The following ZNF471 variants were observed in gnomAD, a reference collection of about 807,000 sequenced individuals.
The protein encoded by ZNF471 is EZFIT-related protein 1.
ZNF471 carries 7 observed loss-of-function variants against 13.7 expected under a neutral mutation model. The observed-to-expected ratio is 0.51, with a 90% confidence interval of 0.29 to 0.96. The LOEUF (loss-of-function observed/expected upper bound fraction) is 0.96. Ranked by LOEUF, ZNF471 falls within the 40% of genes least tolerant of loss-of-function variation. The pLI is 0.08. For synonymous variants in ZNF471, 218 were observed against 235.6 expected, an observed-to-expected ratio of 0.93 and a Z score of 0.68; for missense variants, 663 against 743.3, an observed-to-expected ratio of 0.89 and a Z score of 1.26.
rs779507175 is a variant in ZNF471 at position 56,525,178 on chromosome 19, G to T, written c.1111G>T (p.Gly371Ter). The change falls in exon 5 of 5, where the codon GGA (glycine) becomes TGA (stop). Residue 371 changes from glycine (G) to a stop codon, truncating the protein, a stop_gained. Coordinates refer to ENST00000308031, the MANE Select transcript of ZNF471 (RefSeq NM_020813.4). LOFTEE classifies it low-confidence loss of function (END_TRUNC). ...TCGTCACTGGAGGAGTTATCATACT[G>T]GAGAGAAGCCTTTTAATTGCATTGA... ...FIRHWRSYHT[G>*]EKPFNCIDCG... 2 of 1,614,146 alleles carry T rather than the reference G, an allele frequency of 1.2e-6. No homozygotes were observed. Among genetic ancestry groups the T allele is most frequent in the Admixed American group, 3.3e-5 (2 of 60,026 alleles).
At position 56,525,327 on chromosome 19, in the gene ZNF471, A is replaced by G. The variant is rs1568476779; in HGVS notation, c.1260A>G (p.Val420=). The G allele has an allele frequency of 6.2e-7, 1 of 1,612,778 alleles. No individual in the cohort carries two copies. The highest frequency in any genetic ancestry group is 8.5e-7 in the Non-Finnish European group (1 of 1,179,158). ...KTFSSGSSRT[V]HQRIHTGEKP... is the part of the protein sequence containing the mutation. Reference sequence around the variant, plus strand: ...TCAGCTCGGGTTCATCCCGTACTGTACATCAGAGAATTCATACAGGAGAGA... The same window carrying G: ...TCAGCTCGGGTTCATCCCGTACTGTGCATCAGAGAATTCATACAGGAGAGA... Residue 420 remains valine (V), a synonymous_variant, in exon 5 of 5, where the codon GTA becomes GTG. Coordinates refer to ENST00000308031, the MANE Select transcript of ZNF471 (RefSeq NM_020813.4).
chr19:56,529,370 G>GGAAATACC lies in ZNF471; in HGVS notation c.*3423_*3424insAAATACCG, dbSNP rs3841262. Reference sequence around the variant, plus strand: ...TTCTATACTCATTACAGATGTAAGAGGTTAAGATGGTAGAGGAGAATGTAG... The same window carrying GGAAATACC: ...TTCTATACTCATTACAGATGTAAGAGGAAATACCGTTAAGATGGTAGAGGAGAATGTAG... On this transcript the variant is annotated 3_prime_UTR_variant, in exon 5 of 5. Coordinates refer to ENST00000308031, the MANE Select transcript of ZNF471 (RefSeq NM_020813.4). 2 of 151,656 alleles carry GGAAATACC rather than the reference G, an allele frequency of 1.3e-5. No individual in the cohort carries two copies. The highest frequency in any genetic ancestry group is 2.9e-5 in the Non-Finnish European group (2 of 67,826). 9.4% of individuals were successfully genotyped at this position (151,656 alleles called of 1,614,324 possible).
chr19:56,527,375 G>A lies in ZNF471; in HGVS notation c.*1427G>A, dbSNP rs755105400. On this transcript the variant is annotated 3_prime_UTR_variant, in exon 5 of 5. Coordinates refer to ENST00000308031, the MANE Select transcript of ZNF471 (RefSeq NM_020813.4). ...AATTCACGAAGATGAGGAGAAACCAGTGCAAAAAGCCTGAAAATTCCAAAA... is the reference window on the plus strand; with the variant it reads ...AATTCACGAAGATGAGGAGAAACCAATGCAAAAAGCCTGAAAATTCCAAAA... 3.3e-5 allele frequency: 5 copies of A among 152,192 alleles called. No homozygotes were observed. The highest frequency in any genetic ancestry group is 6.5e-5 in the Admixed American group (1 of 15,282). The allele number at this position is 152,192 out of a possible 1,614,324, so 9.4% of individuals were successfully genotyped here.
At chr19:56,520,538 T>C (rs2043955553) in intron 4 of ZNF471, among the ~76,000 whole-genome samples, 2 of 152,346 alleles carry the variant, frequency 1.3e-5, no homozygotes, top group South Asian at 2.1e-4. Context: ...GGTGCCCTGG[T>C]CTGAATGTTT....
intron 4 of ZNF471, among the ~76,000 whole-genome samples, chr19:56,523,835 T>C (rs1054915011): frequency 3.3e-5 from 5 of 152,204 alleles, no homozygotes; most frequent in Non-Finnish European, 7.3e-5. Flanking sequence ...GTTTTTGTTT[T>C]TGTTTTGAGA....
intron 3 of ZNF471, among the ~76,000 whole-genome samples, chr19:56,517,256 C>T (rs1417097708): frequency 6.7e-6 from 1 of 150,010 alleles, no homozygotes; most frequent in Non-Finnish European, 1.5e-5. Context: ...CCTTAGCCTC[C>T]CAAGTAGCTG....
intron 4 of ZNF471, among the ~76,000 whole-genome samples, chr19:56,521,638 CAAAAAA>C (rs372849279): frequency 2.4e-5 from 2 of 82,102 alleles, no homozygotes; most frequent in Admixed American, 1.4e-4. Context: ...GACTCTGTCT[CAAAAAA>C]AAAAAAAAAA....
chr19:56,528,980 A>C lies in ZNF471; in HGVS notation c.*3032A>C, dbSNP rs1174784837. On this transcript the variant is annotated 3_prime_UTR_variant, in exon 5 of 5. Transcript: ENST00000308031. Reference sequence around the variant, plus strand: ...TTCATGAGGCTAAGTCAACTCTGATATCAAACCAAGGGGAAAGAAATGAAA... The same window carrying C: ...TTCATGAGGCTAAGTCAACTCTGATCTCAAACCAAGGGGAAAGAAATGAAA... The C allele has an allele frequency of 2.0e-5, 3 of 152,194 alleles. No homozygotes were observed. Among genetic ancestry groups the C allele is most frequent in the African/African-American group, 7.2e-5 (3 of 41,462 alleles). 9.4% of individuals were successfully genotyped at this position (152,194 alleles called of 1,614,324 possible).
At chr19:56,520,425 T>G (rs1368720993) in intron 4 of ZNF471, among the ~76,000 whole-genome samples, 2 of 152,178 alleles carry the variant, frequency 1.3e-5, no homozygotes, top group African/African-American at 4.8e-5. Context: ...GGACTCAGCA[T>G]TCTGTGTCTT....
In ZNF471 at chr19:56,512,546, T is replaced by A. The variant is rs867630239; in HGVS notation, c.33+942T>A. ...GAGGCAGAGATTTATTTTTTCAAGTTGGCACAATGGCATTAATTGAATTAT... is the reference window on the plus strand; with the variant it reads ...GAGGCAGAGATTTATTTTTTCAAGTAGGCACAATGGCATTAATTGAATTAT... On this transcript the variant is annotated intron_variant, in intron 2 of 4. Coordinates refer to ENST00000308031, the MANE Select transcript of ZNF471 (RefSeq NM_020813.4). 2.0e-5 allele frequency among the ~76,000 whole-genome samples: 3 copies of A among 152,256 alleles called. No individual in the cohort carries two copies. The South Asian group carries it at 6.2e-4, about 32-fold the overall frequency.
At chr19:56,513,444 G>A in intron 2 of ZNF471, among the ~76,000 whole-genome samples, 1 of 152,116 alleles carries the variant, frequency 6.6e-6, no homozygotes, top group East Asian at 1.9e-4. Flanking sequence ...CTTTTTCTAA[G>A]ATCACAATTA....
chr19:56,516,342 C>G lies in ZNF471; in HGVS notation c.101C>G (p.Ala34Gly). 1 of 1,613,900 alleles carries G rather than the reference C, an allele frequency of 6.2e-7. No homozygotes were observed. Among genetic ancestry groups the G allele is most frequent in the Non-Finnish European group, 8.5e-7 (1 of 1,179,854 alleles). The change falls in exon 3 of 5, where the codon GCT becomes GGT. Residue 34 changes from alanine to glycine, a missense_variant. By Grantham distance (60) the Ala-to-Gly change is moderately conservative. Coordinates refer to ENST00000308031, the MANE Select transcript of ZNF471 (RefSeq NM_020813.4). This position sits in a 1 kb window ranked among gnomAD's most constrained non-coding sequence, Gnocchi z 4.4. ...GAAGAATGGCAATGGATGAACCCTG[C>G]TCAGAAGCGTTTATACAGGAGTATG... Reference protein sequence around the residue: ...SQEEWQWMNPAQKRLYRSMML... With the variant: ...SQEEWQWMNPGQKRLYRSMML...
In ZNF471 at chr19:56,523,357, C is replaced by CTT. The variant is rs201870381; in HGVS notation, c.257-952_257-951dup. ...AGCCCGGACAACTGAGTGAAACCCT[C>CTT]TTTTTTTTTTTTTTTTATAAAAAGG... On this transcript the variant is annotated intron_variant, in intron 4 of 4. Coordinates refer to ENST00000308031, the MANE Select transcript of ZNF471 (RefSeq NM_020813.4). 3.1e-3 allele frequency among the ~76,000 whole-genome samples: 427 copies of CTT among 136,340 alleles called. 4 individuals carry two copies. The highest frequency in any genetic ancestry group is 0.011 in the African/African-American group (400 of 37,602). 89.4% of individuals were successfully genotyped at this position (136,340 alleles called of 152,430 possible).
At chr19:56,509,090 G>T (rs1600502075) in intron 1 of ZNF471, among the ~76,000 whole-genome samples, 1 of 152,258 alleles carries the variant, frequency 6.6e-6, no homozygotes, top group East Asian at 1.9e-4. Flanking sequence ...AATGATTGGT[G>T]GGCTGGCAGC....
Position 56,524,757 on chromosome 19 carries a change from T to C in ZNF471, c.690T>C (p.Gly230=). The C allele has an allele frequency of 6.2e-7, 1 of 1,610,430 alleles. No homozygotes were observed. The highest frequency in any genetic ancestry group is 1.1e-5 in the South Asian group (1 of 90,056). The change falls in exon 5 of 5, where the codon GGT becomes GGC. Residue 230 remains glycine (G), a synonymous_variant. Transcript: ENST00000308031. The surrounding 1 kb of genome is among the most constrained non-coding windows in gnomAD (Gnocchi z 4.8). ...CTGTTCATTTTAGAATTCATACTGG[T>C]GAAAAACCATATGCATGTGAGGAAT... ...SLTVHFRIHT[G]EKPYACEECG... is the part of the protein sequence containing the mutation.
In ZNF471 at chr19:56,510,900, G is replaced by C. The variant is rs1205373368; in HGVS notation, c.-55-617G>C. The C allele has an allele frequency of 1.0e-6, 1 of 985,526 alleles. No homozygotes were observed. The highest frequency in any genetic ancestry group is 1.1e-4 in the East Asian group (1 of 8,806). 61.0% of individuals were successfully genotyped at this position (985,526 alleles called of 1,614,324 possible). On this transcript the variant is annotated intron_variant, in intron 1 of 4. Coordinates refer to ENST00000308031, the MANE Select transcript of ZNF471 (RefSeq NM_020813.4). This position sits in a 1 kb window ranked among gnomAD's most constrained non-coding sequence, Gnocchi z 4.3. The stretch of plus-strand genomic sequence containing the variant: ...CACCCTCACTTCTGTGTGACAGGAG[G>C]GTAATTAAGGGGCTGGGACAGAGGT...
intron 4 of ZNF471, among the ~76,000 whole-genome samples, chr19:56,523,455 T>G (rs1009445149): frequency 6.6e-6 from 1 of 152,084 alleles, no homozygotes; most frequent in Non-Finnish European, 1.5e-5. Flanking sequence ...ATATGCAGAT[T>G]AAAGTTCAGG....
rs1045684597 is a variant in ZNF471, at chr19:56,529,797, T to C, written c.*3849T>C. On this transcript the variant is annotated 3_prime_UTR_variant, in exon 5 of 5. Transcript: ENST00000308031. Reference sequence around the variant, plus strand: ...ATGTGAATGTGAAGTTTGGATAATATCCAGTATTGTCGCAGGTGTGAGAAA... The same window carrying C: ...ATGTGAATGTGAAGTTTGGATAATACCCAGTATTGTCGCAGGTGTGAGAAA... The C allele has an allele frequency of 5.9e-5, 9 of 152,294 alleles. No individual in the cohort carries two copies. The highest frequency in any genetic ancestry group is 2.2e-4 in the African/African-American group (9 of 41,562). The allele number at this position is 152,294 out of a possible 1,614,324, so 9.4% of individuals were successfully genotyped here.
At chr19:56,517,368 T>C (rs2043906468) in intron 3 of ZNF471, among the ~76,000 whole-genome samples, 1 of 149,842 alleles carries the variant, frequency 6.7e-6, no homozygotes, top group South Asian at 2.1e-4. Flanking sequence ...AGTGGCACCA[T>C]CTCGGCTCAC....
Sources: gnomAD v4.1 joint callset for allele counts (sites outside exome capture counted in the v4.1 genomes callset) on GRCh38, gnomAD v4.1.1 for gene constraint, Gnocchi (gnomAD v3.1) non-coding constraint, MANE v1.5 for transcripts, NCBI Gene and HGNC (gene_info 2026-07-23, HGNC 2026-07-21) for gene names.